Variants in SHISA6 observed in about 807,000 individuals in gnomAD.
The protein encoded by SHISA6 is shisa family member 6, also known as protein shisa-6.
In SHISA6, 22 loss-of-function variants were observed where a neutral mutation model predicts 47.9. The observed-to-expected ratio is 0.46, with a 90% confidence interval of 0.33 to 0.66. SHISA6 has a LOEUF of 0.66. Among genes scored for constraint, SHISA6 ranks in the 30% least tolerant of loss-of-function variants. The pLI is 0.02. For missense variants in SHISA6, 680 were observed against 764.6 expected (o/e 0.89, Z 1.30); for synonymous variants, 388 against 337.8 (o/e 1.15, Z -1.63).
intron 3 of SHISA6, among the ~76,000 whole-genome samples, chr17:11,414,568 T>G (rs895033069): frequency 1.3e-5 from 2 of 152,232 alleles, no homozygotes; most frequent in African/African-American, 4.8e-5. Flanking sequence ...TGCTTCCCTG[T>G]GGCTTTTGTA....
At chr17:11,355,588 A>G (rs1455419001) in intron 2 of SHISA6, among the ~76,000 whole-genome samples, 3 of 152,248 alleles carry the variant, frequency 2.0e-5, no homozygotes, top group African/African-American at 4.8e-5. Flanking sequence ...AAGCCATGGC[A>G]GAACAAAACA....
chr17:11,432,678 AC>A (rs1263491558), intron 3 of SHISA6, among the ~76,000 whole-genome samples: 6 of 152,220 alleles, frequency 3.9e-5, no homozygotes, highest in African/African-American at 1.4e-4. Context: ...AATAAAATAT[AC>A]TACATTCATA....
In SHISA6 at chr17:11,241,605, C is replaced by T. The variant is rs1328946184; in HGVS notation, c.183C>T (p.Thr61=). ...LARGGRELNG[T]ARAPGIPEAG... The stretch of plus-strand genomic sequence containing the variant: ...GGGGCGGCCGCGAGCTGAACGGCAC[C>T]GCCCGGGCGCCCGGAATCCCGGAGG... Residue 61 remains threonine (T), a synonymous_variant, in exon 1 of 6, where the codon ACC becomes ACT. Coordinates refer to ENST00000441885, the MANE Select transcript of SHISA6 (RefSeq NM_207386.4). The surrounding 1 kb of genome is among the most constrained non-coding windows in gnomAD (Gnocchi z 5.5). The T allele has an allele frequency of 1.5e-6, 2 of 1,295,302 alleles. No homozygotes were observed. The highest frequency in any genetic ancestry group is 3.4e-5 in the East Asian group (1 of 29,314). The allele number at this position is 1,295,302 out of a possible 1,614,324, so 80.2% of individuals were successfully genotyped here.
At chr17:11,526,463 G>T (rs917460928) in intron 3 of SHISA6, among the ~76,000 whole-genome samples, 2 of 152,098 alleles carry the variant, frequency 1.3e-5, no homozygotes, top group African/African-American at 4.8e-5. Flanking sequence ...GTGTACAGGT[G>T]GTCCCCAGAG....
At chr17:11,541,702 A>T (rs1377461215) in intron 3 of SHISA6, among the ~76,000 whole-genome samples, 2 of 152,194 alleles carry the variant, frequency 1.3e-5, no homozygotes, top group Non-Finnish European at 2.9e-5. Flanking sequence ...CCTAAAATGT[A>T]TTTGGAATTT....
intron 3 of SHISA6, among the ~76,000 whole-genome samples, chr17:11,422,849 G>A (rs1914489172): frequency 1.3e-5 from 2 of 151,906 alleles, no homozygotes; most frequent in South Asian, 4.2e-4. Flanking sequence ...AGGAAAACAT[G>A]GCCAAGGGAA....
At chr17:11,336,356 G>C (rs887507438) in intron 2 of SHISA6, among the ~76,000 whole-genome samples, 2 of 152,072 alleles carry the variant, frequency 1.3e-5, no homozygotes, top group African/African-American at 2.4e-5. Flanking sequence ...GGGGTGCTGG[G>C]AGCTTAAAGG....
chr17:11,333,092 A>G (rs1039515740), intron 2 of SHISA6, among the ~76,000 whole-genome samples: 4 of 152,120 alleles, frequency 2.6e-5, no homozygotes, highest in African/African-American at 9.7e-5. Context: ...CACAGCAGCA[A>G]TGACTTCCTC....
chr17:11,395,513 C>CTTTTTTT, intron 3 of SHISA6, among the ~76,000 whole-genome samples: 1 of 117,374 alleles, frequency 8.5e-6, no homozygotes. Context: ...GGCAGTTTTA[C>CTTTTTTT]TTTTTTTTTT....
Position 11,388,614 on chromosome 17 carries a change from C to G in SHISA6, c.895+9105C>G, listed in dbSNP as rs147280023. On this transcript the variant is annotated intron_variant, in intron 3 of 5. Transcript: ENST00000441885. ...CCCTGGTTAGCACACACAGGCTCTC[C>G]CTAAGTCTTACCCTTAGGAAAATCT... Among the ~76,000 whole-genome samples, 25 of 151,352 alleles carry G rather than the reference C, an allele frequency of 1.7e-4. No homozygotes were observed. In the East Asian group the frequency reaches 4.7e-3, roughly 28 times the overall value.
At chr17:11,507,696 T>A (rs1372260001) in intron 3 of SHISA6, among the ~76,000 whole-genome samples, 1 of 152,202 alleles carries the variant, frequency 6.6e-6, no homozygotes, top group Non-Finnish European at 1.5e-5. Context: ...GTAGTGCAAA[T>A]CTGCCTGCTG....
intron 3 of SHISA6, among the ~76,000 whole-genome samples, chr17:11,499,226 G>C (rs754455606): frequency 6.6e-6 from 1 of 152,200 alleles, no homozygotes; most frequent in Non-Finnish European, 1.5e-5. Flanking sequence ...GGAGAGGCAA[G>C]ATCTGACACT....
intron 2 of SHISA6, among the ~76,000 whole-genome samples, chr17:11,343,225 C>G (rs60975378): frequency 0.087 from 13,265 of 152,230 alleles, 887 homozygotes; most frequent in East Asian, 0.23. Flanking sequence ...GAGAGAAGAG[C>G]TGCCAACTCA....
chr17:11,440,417 G>C (rs758854810), intron 3 of SHISA6, among the ~76,000 whole-genome samples: 13 of 151,886 alleles, frequency 8.6e-5, no homozygotes, highest in Non-Finnish European at 1.5e-4. Context: ...TTTCACCTTT[G>C]ACCTTGCTCC....
intron 2 of SHISA6, among the ~76,000 whole-genome samples, chr17:11,364,246 C>T (rs1912376005): frequency 6.6e-6 from 1 of 152,166 alleles, no homozygotes; most frequent in Non-Finnish European, 1.5e-5. Flanking sequence ...TTTCCATCAC[C>T]CCATAAGTTT....
intron 3 of SHISA6, among the ~76,000 whole-genome samples, chr17:11,538,894 T>C (rs531972998): frequency 2.1e-4 from 32 of 152,290 alleles, no homozygotes; most frequent in South Asian, 1.5e-3. Context: ...ATGAGAGTTA[T>C]AGCCAATATC....
intron 3 of SHISA6, among the ~76,000 whole-genome samples, chr17:11,496,165 C>T (rs1320424791): frequency 6.6e-6 from 1 of 152,132 alleles, no homozygotes; most frequent in East Asian, 1.9e-4. Flanking sequence ...GTGGGGCCTC[C>T]CCATTAGTCA....
chr17:11,252,811 T>C (rs1039427668), intron 1 of SHISA6, among the ~76,000 whole-genome samples: 2 of 152,178 alleles, frequency 1.3e-5, no homozygotes, highest in African/African-American at 4.8e-5. Context: ...CTGAGGCTGC[T>C]CCAGAACTTG....
chr17:11,331,482 G>C (rs1019802657), intron 2 of SHISA6, among the ~76,000 whole-genome samples: 2 of 151,846 alleles, frequency 1.3e-5, no homozygotes, highest in African/African-American at 4.8e-5. Flanking sequence ...TATGTCTGTG[G>C]GTGATTTCTC....
Sources: gnomAD v4.1 joint callset for allele counts (sites outside exome capture counted in the v4.1 genomes callset) on GRCh38, gnomAD v4.1.1 for gene constraint, Gnocchi (gnomAD v3.1) non-coding constraint, MANE v1.5 for transcripts, NCBI Gene and HGNC (gene_info 2026-07-23, HGNC 2026-07-21) for gene names.